GALP: variants seen among roughly 807,000 people sequenced by gnomAD.
GALP encodes galanin-like peptide.
GALP carries 12 observed loss-of-function variants against 15.2 expected under a neutral mutation model. The observed-to-expected ratio is 0.79, with a 90% CI of 0.51 to 1.28. The LOEUF is 1.28. Ranked by LOEUF, GALP falls within the 50% of genes most tolerant of loss-of-function variation. The pLI is 0.00. For missense variants in GALP, 161 were observed against 145.6 expected (o/e 1.11, Z -0.55); for synonymous variants, 58 against 55.1 (o/e 1.05, Z -0.23).
At chr19:56,180,467 A>G (rs924315014) in intron 2 of GALP, 119 bp from the exon 3 acceptor site, 12 of 807,832 alleles carry the variant, frequency 1.5e-5, no homozygotes, top group Non-Finnish European at 2.4e-5. Flanking sequence ...GGGGATTGAA[A>G]TGAACCTGCT....
intron 4 of GALP, 128 bp from the exon 5 acceptor site, chr19:56,183,007 T>A: frequency 7.9e-5 from 48 of 607,338 alleles, no homozygotes; most frequent in East Asian, 1.3e-4. Flanking sequence ...CTCTCCCTCC[T>A]CCCCCTGCTC....
At chr19:56,185,085 G>C (rs1409021549) in intron 5 of GALP, 130 bp from the exon 6 acceptor site, 2 of 621,630 alleles carry the variant, frequency 3.2e-6, no homozygotes, top group Non-Finnish European at 5.8e-6. Flanking sequence ...CAGATCACCT[G>C]AGGTCAGGAG....
At chr19:56,183,335 C>A (rs1462613402) in intron 5 of GALP, 123 bp downstream of exon 5, 11 of 758,072 alleles carry the variant, frequency 1.5e-5, no homozygotes, top group Admixed American at 4.2e-5. Flanking sequence ...GACCTCCTCA[C>A]CTGTAACCAC....
In GALP at chr19:56,176,963, G is replaced by A. The variant is rs549859975; in HGVS notation, c.-39-107G>A. 4.5e-5 allele frequency: 27 copies of A among 594,236 alleles called. No individual in the cohort carries two copies. The African/African-American group carries it at 5.4e-4, about 12-fold the overall frequency. 36.8% of individuals were successfully genotyped at this position (594,236 alleles called of 1,614,324 possible). Reference sequence around the variant, plus strand: ...TGTACATTAAATGTGCGCCATTTTTGTATCTCGATGATGCCTCCATAAAGC... The same window carrying A: ...TGTACATTAAATGTGCGCCATTTTTATATCTCGATGATGCCTCCATAAAGC... On this transcript the variant is annotated intron_variant, in intron 1 of 5. Coordinates refer to ENST00000357330, the MANE Select transcript of GALP (RefSeq NM_033106.4).
intron 3 of GALP, among the ~76,000 whole-genome samples, chr19:56,181,951 C>A (rs2032573760): frequency 6.6e-6 from 1 of 152,154 alleles, no homozygotes; most frequent in South Asian, 2.1e-4. Flanking sequence ...TGGGTTCAAG[C>A]CCCAGTCCTG....
intron 5 of GALP, among the ~76,000 whole-genome samples, chr19:56,184,651 T>C (rs1436409316): frequency 2.0e-5 from 3 of 151,458 alleles, no homozygotes; most frequent in Admixed American, 6.6e-5. Context: ...GCCTGGCTAA[T>C]TTTTTGTATT....
Position 56,179,247 on chromosome 19 carries a change from T to C in GALP, c.88-1339T>C, listed in dbSNP as rs181671653. 1.2e-3 allele frequency among the ~76,000 whole-genome samples: 182 copies of C among 151,808 alleles called. No individual in the cohort carries two copies. The Middle Eastern group carries it at 0.014, about 11-fold the overall frequency. Reference sequence around the variant, plus strand: ...CCTGGGTTTGAGTCCCAGCTGTTCTTCTTAGTGTGTTGCAATTTGTTGCAA... The same window carrying C: ...CCTGGGTTTGAGTCCCAGCTGTTCTCCTTAGTGTGTTGCAATTTGTTGCAA... On this transcript the variant is annotated intron_variant, in intron 2 of 5. Coordinates refer to ENST00000357330, the MANE Select transcript of GALP (RefSeq NM_033106.4).
At chr19:56,179,952 ATTTTT>A (rs147835604) in intron 2 of GALP, among the ~76,000 whole-genome samples, 1 of 151,714 alleles carries the variant, frequency 6.6e-6, no homozygotes, top group Non-Finnish European at 1.5e-5. Flanking sequence ...TGCCCAGCTA[ATTTTT>A]TTTATTTTTA....
intron 3 of GALP, among the ~76,000 whole-genome samples, chr19:56,181,655 G>T (rs1447813525): frequency 1.3e-5 from 2 of 151,824 alleles, no homozygotes; most frequent in African/African-American, 2.4e-5. Flanking sequence ...TGATCCGCCC[G>T]CCTCAGCCTC....
chr19:56,180,521 G>A (rs796531188), intron 2 of GALP, 65 bp from the exon 3 acceptor site: 165 of 1,376,208 alleles, frequency 1.2e-4, no homozygotes, highest in Middle Eastern at 1.8e-4. Context: ...ACATCACCCC[G>A]GACCTGTGGG....
intron 2 of GALP, among the ~76,000 whole-genome samples, chr19:56,178,521 CAAAAAAAAAA>C (rs80223966): frequency 1.2e-5 from 1 of 85,770 alleles, no homozygotes; most frequent in Admixed American, 1.3e-4. Flanking sequence ...ACAACAACAA[CAAAAAAAAAA>C]AAAAAAAAAA....
At position 56,180,593 on chromosome 19, in the gene GALP, G is replaced by A. The variant is rs369814337; in HGVS notation, c.95G>A (p.Gly32Glu). 13 of 1,613,854 alleles carry A rather than the reference G, an allele frequency of 8.1e-6. No homozygotes were observed. Among genetic ancestry groups the A allele is most frequent in the African/African-American group, 5.3e-5 (4 of 74,896 alleles). The change falls in exon 3 of 6, where the codon GGA becomes GAA. Residue 32 changes from glycine (G) to glutamate (E), a missense_variant. Coordinates refer to ENST00000357330, the MANE Select transcript of GALP (RefSeq NM_033106.4). ...TTCTGCATCTCTATCCAGGGACGAG[G>A]AGGCTGGACCCTCAATAGTGCTGGC... ...PASAPAHRGRGGWTLNSAGYL... is the reference protein window; with the variant it reads ...PASAPAHRGREGWTLNSAGYL...
In GALP at chr19:56,182,391, T is replaced by C. The variant is rs549809819; in HGVS notation, c.217+139T>C. 4.8e-5 allele frequency: 29 copies of C among 609,508 alleles called. No individual in the cohort carries two copies. The East Asian group carries it at 7.2e-4, about 15-fold the overall frequency. The allele number at this position is 609,508 out of a possible 1,614,324, so 37.8% of individuals were successfully genotyped here. ...GGGGGGCCCTGGGCAAGTGATGCGT[T>C]TCCTTCAAGCTTCTGGGCCGTCACC... On this transcript the variant is annotated intron_variant, in intron 4 of 5. Coordinates refer to ENST00000357330, the MANE Select transcript of GALP (RefSeq NM_033106.4).
In GALP at chr19:56,176,072, T is replaced by A. The variant is rs2032450115; in HGVS notation, c.-40+10T>A. Reference sequence around the variant, plus strand: ...TGCCAGCTGCAGCGGGGTGAGAGCCTAGGCCAGGAGGGCAGAGGGGCGGAT... The same window carrying A: ...TGCCAGCTGCAGCGGGGTGAGAGCCAAGGCCAGGAGGGCAGAGGGGCGGAT... On this transcript the variant is annotated intron_variant, in intron 1 of 5. Coordinates refer to ENST00000357330, the MANE Select transcript of GALP (RefSeq NM_033106.4). The A allele has an allele frequency of 6.0e-6, 1 of 167,690 alleles. No homozygotes were observed. Among genetic ancestry groups the A allele is most frequent in the Admixed American group, 6.6e-5 (1 of 15,096 alleles). 10.4% of individuals were successfully genotyped at this position (167,690 alleles called of 1,614,324 possible). A position where few individuals can be genotyped will look rare whatever the true frequency, so the allele number is the denominator to read the frequency against.
intron 3 of GALP, 114 bp downstream of exon 3, chr19:56,180,748 T>C: frequency 1.2e-6 from 1 of 810,260 alleles, no homozygotes; most frequent in Non-Finnish European, 2.1e-6. Context: ...GGCCCATGGA[T>C]TTATTTGCAG....
chr19:56,178,211 C>T (rs1294164008), intron 2 of GALP, among the ~76,000 whole-genome samples: 1 of 151,368 alleles, frequency 6.6e-6, no homozygotes, highest in Non-Finnish European at 1.5e-5. Context: ...CTCCTGTAAT[C>T]CCAGTACTTT....
intron 5 of GALP, 41 bp downstream of exon 5, chr19:56,183,253 G>T (rs545390063): frequency 1.3e-6 from 2 of 1,493,356 alleles, no homozygotes; most frequent in East Asian, 2.3e-5. Context: ...CGACAGGAGA[G>T]GGGGAACAAG....
At chr19:56,177,249 C>A in intron 2 of GALP, 54 bp downstream of exon 2, 1 of 1,443,436 alleles carries the variant, frequency 6.9e-7, no homozygotes, top group Non-Finnish European at 9.7e-7. Context: ...TCCCTGCCCT[C>A]TGGGAAGAGT....
chr19:56,181,395 C>CCTT (rs2032564594), intron 3 of GALP, among the ~76,000 whole-genome samples: 1 of 81,314 alleles, frequency 1.2e-5, no homozygotes, highest in African/African-American at 5.8e-5. Flanking sequence ...TCTCTCTCTC[C>CCTT]TTTTTTTTTT....
Sources: gnomAD v4.1 joint callset for allele counts (sites outside exome capture counted in the v4.1 genomes callset) on GRCh38, gnomAD v4.1.1 for gene constraint, MANE v1.5 for transcripts, NCBI Gene and HGNC (gene_info 2026-07-23, HGNC 2026-07-21) for gene names.